Variants in C12orf60 observed in about 807,000 individuals in gnomAD.
C12orf60 encodes the protein uncharacterized protein C12orf60.
For synonymous variants in C12orf60, 102 were observed against 94.6 expected (o/e 1.08, Z -0.45); for missense variants, 284 against 283.2 (o/e 1.00, Z -0.02).
At chr12:14,813,923 C>T (rs1950179129) in intron 1 of C12orf60, among the ~76,000 whole-genome samples, 1 of 152,168 alleles carries the variant, frequency 6.6e-6, no homozygotes, top group South Asian at 2.1e-4. Flanking sequence ...TCTTCCTTCT[C>T]TGCTGTCTTC....
intron 1 of C12orf60, among the ~76,000 whole-genome samples, chr12:14,811,378 A>G (rs990221309): frequency 6.6e-6 from 1 of 152,166 alleles, no homozygotes; most frequent in African/African-American, 2.4e-5. Flanking sequence ...CTTGCTCTAC[A>G]CATTTGGGCT....
chr12:14,822,792 G>A (rs1250871862), intron 1 of C12orf60, 120 bp from the exon 2 acceptor site: 2 of 771,168 alleles, frequency 2.6e-6, no homozygotes, highest in Non-Finnish European at 4.0e-6. Flanking sequence ...TTCAACGTAT[G>A]TATAGCTTTC....
intron 1 of C12orf60, among the ~76,000 whole-genome samples, chr12:14,820,643 A>G (rs1592242363): frequency 6.6e-6 from 1 of 152,002 alleles, no homozygotes; most frequent in African/African-American, 2.4e-5. Flanking sequence ...TTTTTCATGT[A>G]TCTTCTTTGT....
rs371123148 is a variant in C12orf60, at chr12:14,823,001, T to C, written c.66T>C (p.His22=). Residue 22 remains histidine, a synonymous_variant, in exon 2 of 2, where the codon CAT becomes CAC. Coordinates refer to ENST00000330828, the MANE Select transcript of C12orf60 (RefSeq NM_175874.4). ...AAGCTGCCAAAATGTTCTTCTTTCA[T>C]GTACAAGATCTTGCTTCTGTCATAA... The part of the protein sequence containing the change: ...LIQAAKMFFF[H]VQDLASVINT... 74 of 1,610,390 alleles carry C rather than the reference T, an allele frequency of 4.6e-5. No individual in the cohort carries two copies. Among genetic ancestry groups the C allele is most frequent in the Middle Eastern group, 3.3e-4 (2 of 6,070 alleles).
chr12:14,803,681 G>T lies in C12orf60; in HGVS notation c.-95G>T. ...GTACAATAGGAATTAGAAGAAGATAGCTGCTAACTGAGTGGCTGACGGTCC... is the reference window on the plus strand; with the variant it reads ...GTACAATAGGAATTAGAAGAAGATATCTGCTAACTGAGTGGCTGACGGTCC... On this transcript the variant is annotated 5_prime_UTR_variant, in exon 1 of 2. Coordinates refer to ENST00000330828, the MANE Select transcript of C12orf60 (RefSeq NM_175874.4). 2.5e-6 allele frequency: 1 copy of T among 392,330 alleles called. No homozygotes were observed. The highest frequency in any genetic ancestry group is 4.5e-6 in the Non-Finnish European group (1 of 222,736). 24.3% of individuals were successfully genotyped at this position (392,330 alleles called of 1,614,324 possible). A position where few individuals can be genotyped will look rare whatever the true frequency, so the allele number is the denominator to read the frequency against.
chr12:14,821,384 G>A (rs1950302782), intron 1 of C12orf60, among the ~76,000 whole-genome samples: 1 of 152,126 alleles, frequency 6.6e-6, no homozygotes, highest in South Asian at 2.1e-4. Flanking sequence ...GGGGCTCTGA[G>A]GGAGAGTCTA....
intron 1 of C12orf60, among the ~76,000 whole-genome samples, chr12:14,820,652 G>A (rs1166990332): frequency 6.6e-6 from 1 of 151,548 alleles, no homozygotes; most frequent in Admixed American, 6.6e-5. Flanking sequence ...TATCTTCTTT[G>A]TTGACTTCTA....
intron 1 of C12orf60, chr12:14,805,866 C>A: frequency 2.3e-6 from 2 of 871,616 alleles, no homozygotes. Flanking sequence ...CTTGGCATCT[C>A]CAGTTTCCCT....
intron 1 of C12orf60, among the ~76,000 whole-genome samples, chr12:14,810,357 T>A (rs1950117491): frequency 6.6e-6 from 1 of 152,172 alleles, no homozygotes; most frequent in African/African-American, 2.4e-5. Flanking sequence ...TTGAATTGTG[T>A]TTTGGACAGG....
chr12:14,810,182 G>T (rs1950115037), intron 1 of C12orf60, among the ~76,000 whole-genome samples: 1 of 152,062 alleles, frequency 6.6e-6, no homozygotes, highest in Non-Finnish European at 1.5e-5. Flanking sequence ...GAGTGGGGAG[G>T]GTTTTCTTGT....
chr12:14,810,145 C>T lies in C12orf60; in HGVS notation c.-25+6394C>T, dbSNP rs1164297740. On this transcript the variant is annotated intron_variant, in intron 1 of 1. Transcript: ENST00000330828. ...GGACTTTTATTCTGAGTCAGACTTACCTTCCTAGCTTTTTTCCTTGGGTGG... is the reference window on the plus strand; with the variant it reads ...GGACTTTTATTCTGAGTCAGACTTATCTTCCTAGCTTTTTTCCTTGGGTGG... Among the ~76,000 whole-genome samples, 3 of 152,160 alleles carry T rather than the reference C, an allele frequency of 2.0e-5. No individual in the cohort carries two copies. The East Asian group carries it at 5.8e-4, about 29-fold the overall frequency.
chr12:14,808,304 G>A lies in C12orf60; in HGVS notation c.-25+4553G>A, dbSNP rs563669406. Reference sequence around the variant, plus strand: ...TTATTTGGGTGAAAAATCTAAATTTGAGCCAGTAAGAGCACGATGCTACTC... The same window carrying A: ...TTATTTGGGTGAAAAATCTAAATTTAAGCCAGTAAGAGCACGATGCTACTC... On this transcript the variant is annotated intron_variant, in intron 1 of 1. Transcript: ENST00000330828. Among the ~76,000 whole-genome samples, 24 of 152,116 alleles carry A rather than the reference G, an allele frequency of 1.6e-4. No individual in the cohort carries two copies. In the South Asian group the frequency reaches 5.0e-3, roughly 32 times the overall value.
chr12:14,823,717 A>G lies in C12orf60; in HGVS notation c.*44A>G. 6.7e-7 allele frequency: 1 copy of G among 1,491,292 alleles called. No individual in the cohort carries two copies. Among genetic ancestry groups the G allele is most frequent in the Non-Finnish European group, 8.9e-7 (1 of 1,121,962 alleles). The allele number at this position is 1,491,292 out of a possible 1,614,324, so 92.4% of individuals were successfully genotyped here. A position where few individuals can be genotyped will look rare whatever the true frequency, so the allele number is the denominator to read the frequency against. On this transcript the variant is annotated 3_prime_UTR_variant, in exon 2 of 2. Coordinates refer to ENST00000330828, the MANE Select transcript of C12orf60 (RefSeq NM_175874.4). ...CATTTCTGTCAGAAAACTACTTAAA[A>G]TCTTATGGTTTTTCATAGTAGTTTC...
rs1479127499 is a variant in C12orf60, at chr12:14,823,819, T to C, written c.*146T>C. The C allele has an allele frequency of 1.7e-6, 1 of 589,064 alleles. No homozygotes were observed. The highest frequency in any genetic ancestry group is 1.9e-5 in the African/African-American group (1 of 51,722). 36.5% of individuals were successfully genotyped at this position (589,064 alleles called of 1,614,324 possible). On this transcript the variant is annotated 3_prime_UTR_variant, in exon 2 of 2. Transcript: ENST00000330828. ...AGTCATCTGGCAAAACATTTACCTG[T>C]AGTTTTGCTTTATTAAAATAAAAAG...
At chr12:14,816,532 C>T (rs1475514874) in intron 1 of C12orf60, among the ~76,000 whole-genome samples, 1 of 152,082 alleles carries the variant, frequency 6.6e-6, no homozygotes, top group Non-Finnish European at 1.5e-5. Context: ...AGTTAGACTT[C>T]CCAGTTTGGT....
intron 1 of C12orf60, chr12:14,805,964 G>T (rs776633171): frequency 6.5e-7 from 1 of 1,541,166 alleles, no homozygotes; most frequent in Admixed American, 2.0e-5. Context: ...TACTGAAAAG[G>T]AAGCAGAAAA....
At chr12:14,822,821 GTTATCTTC>G in intron 1 of C12orf60, 83 bp from the exon 2 acceptor site, 2 of 1,130,898 alleles carry the variant, frequency 1.8e-6, no homozygotes, top group African/African-American at 3.1e-5. Context: ...GGCAGGGGGA[GTTATCTTC>G]ATATTTAGAC....
intron 1 of C12orf60, chr12:14,806,748 A>G: frequency 6.8e-7 from 1 of 1,466,660 alleles, no homozygotes; most frequent in Non-Finnish European, 9.2e-7. Context: ...AATGTCTGCT[A>G]ACTGTGTAGA....
chr12:14,806,231 A>G, intron 1 of C12orf60: 2 of 1,614,250 alleles, frequency 1.2e-6, no homozygotes, highest in Non-Finnish European at 1.7e-6. Flanking sequence ...GAGCTAACAC[A>G]GTGACCAACT....
Sources: allele counts gnomAD v4.1 joint callset (sites outside exome capture counted in the v4.1 genomes callset), GRCh38; gene constraint gnomAD v4.1.1; transcripts MANE v1.5; gene names NCBI Gene and HGNC (gene_info 2026-07-23, HGNC 2026-07-21).